ANKRD60: variants seen among roughly 807,000 people sequenced by gnomAD.
The protein encoded by ANKRD60 is ankyrin repeat domain 60.
ANKRD60 carries 24 observed loss-of-function variants against 21.3 expected under a neutral mutation model. The ratio of observed to expected loss-of-function variants is 1.13; its 90% CI spans 0.82 to 1.59. The LOEUF (loss-of-function observed/expected upper bound fraction) is 1.59. ANKRD60 is among the 40% of genes most tolerant of loss of function. The probability of loss-of-function intolerance (pLI) is 0.00; values close to 1 mark genes in which losing one functional copy is unlikely to be tolerated. For missense variants in ANKRD60, 490 were observed against 466.7 expected (o/e 1.05, Z -0.46); for synonymous variants, 182 against 199.4 (o/e 0.91, Z 0.74).
intron 2 of ANKRD60, among the ~76,000 whole-genome samples, chr20:58,222,666 A>G (rs1190730006): frequency 6.6e-6 from 1 of 152,136 alleles, no homozygotes; most frequent in Non-Finnish European, 1.5e-5. Context: ...ACCAGGCAGC[A>G]CCTGGCGGAG....
chr20:58,228,048 C>T lies in ANKRD60; in HGVS notation c.430+176G>A, dbSNP rs1984399650. Among the ~76,000 whole-genome samples the T allele has an allele frequency of 2.0e-5, 3 of 152,144 alleles. No individual in the cohort carries two copies. Among genetic ancestry groups the T allele is most frequent in the Admixed American group, 2.0e-4 (3 of 15,284 alleles). ...GTGTGTTTGAGATTGGGAAGTCCCT[C>T]TGTGGCCAGGACCCTAAGTGGCCCT... On this transcript the variant is annotated intron_variant, in intron 1 of 3. Transcript: ENST00000457363. The surrounding 1 kb of genome is among the most constrained non-coding windows in gnomAD (Gnocchi z 5.3).
chr20:58,219,171 A>G (rs761508669), intron 3 of ANKRD60, among the ~76,000 whole-genome samples: 42 of 151,050 alleles, frequency 2.8e-4, no homozygotes, highest in Non-Finnish European at 5.6e-4. Context: ...CCTAAAACAC[A>G]CCCTGCTCTG....
chr20:58,223,830 A>G (rs949150845), intron 1 of ANKRD60, among the ~76,000 whole-genome samples: 10 of 152,180 alleles, frequency 6.6e-5, no homozygotes, highest in African/African-American at 2.4e-4. Context: ...CAGGCCCAGC[A>G]CAGTGGCTCA....
intron 1 of ANKRD60, among the ~76,000 whole-genome samples, chr20:58,226,866 T>C (rs964917086): frequency 1.3e-5 from 2 of 152,158 alleles, no homozygotes; most frequent in African/African-American, 4.8e-5. Context: ...CTGTCATCCT[T>C]ATGTAGACAG....
Position 58,223,243 on chromosome 20 carries a change from G to C in ANKRD60, c.431-61C>G, listed in dbSNP as rs1984299773. 2.2e-6 allele frequency: 3 copies of C among 1,382,280 alleles called. No individual in the cohort carries two copies. In the East Asian group the frequency reaches 7.6e-5, roughly 35 times the overall value. The allele number at this position is 1,382,280 out of a possible 1,614,324, so 85.6% of individuals were successfully genotyped here. A position where few individuals can be genotyped will look rare whatever the true frequency, so the allele number is the denominator to read the frequency against. On this transcript the variant is annotated intron_variant, in intron 1 of 3. Transcript: ENST00000457363. Reference sequence around the variant, plus strand: ...GGTATTAAAGATAAACTACTACATTGGTTAAGTTAAGAGATTATCTGACCT... The same window carrying C: ...GGTATTAAAGATAAACTACTACATTCGTTAAGTTAAGAGATTATCTGACCT...
At position 58,228,097 on chromosome 20, in the gene ANKRD60, G is replaced by T; in HGVS notation, c.430+127C>A. ...CTTCCATCTGGGTTTCAGGGTGGTT[G>T]GGTTTCAGGGGTTTGCTTTGACATC... On this transcript the variant is annotated intron_variant, in intron 1 of 3. Coordinates refer to ENST00000457363, the Ensembl canonical transcript of ANKRD60. The surrounding 1 kb of genome is among the most constrained non-coding windows in gnomAD (Gnocchi z 5.3). 1 of 955,942 alleles carries T rather than the reference G, an allele frequency of 1.0e-6. No individual in the cohort carries two copies. The highest frequency in any genetic ancestry group is 1.5e-6 in the Non-Finnish European group (1 of 656,234). 59.2% of individuals were successfully genotyped at this position (955,942 alleles called of 1,614,324 possible).
chr20:58,228,609 C>T lies in ANKRD60; in HGVS notation c.45G>A (p.Gly15=). The T allele has an allele frequency of 9.5e-7, 1 of 1,052,454 alleles. No individual in the cohort carries two copies. The highest frequency in any genetic ancestry group is 1.1e-6 in the Non-Finnish European group (1 of 872,556). The allele number at this position is 1,052,454 out of a possible 1,614,324, so 65.2% of individuals were successfully genotyped here. The change falls in exon 1 of 4, where the codon GGG becomes GGA. Residue 15 remains glycine (G), a synonymous_variant. Transcript: ENST00000457363. This position sits in a 1 kb window ranked among gnomAD's most constrained non-coding sequence, Gnocchi z 5.3. ...GCCCCGCCGCCCGCGCTCCGCCCGC[C>T]CCCGCCGCCGCCCGCCGCATCCCCC...
At chr20:58,219,042 G>A (rs1984192231) in intron 3 of ANKRD60, among the ~76,000 whole-genome samples, 1 of 152,018 alleles carries the variant, frequency 6.6e-6, no homozygotes, top group Non-Finnish European at 1.5e-5. Flanking sequence ...GATGTTCTAG[G>A]TCTTTCCCGC....
Position 58,228,117 on chromosome 20 carries a change from G to T in ANKRD60, c.430+107C>A. The T allele has an allele frequency of 8.5e-7, 1 of 1,178,912 alleles. No individual in the cohort carries two copies. The highest frequency in any genetic ancestry group is 1.2e-6 in the Non-Finnish European group (1 of 853,326). 73.0% of individuals were successfully genotyped at this position (1,178,912 alleles called of 1,614,324 possible). On this transcript the variant is annotated intron_variant, in intron 1 of 3. Coordinates refer to ENST00000457363, the Ensembl canonical transcript of ANKRD60. This position sits in a 1 kb window ranked among gnomAD's most constrained non-coding sequence, Gnocchi z 5.3. ...TGGTTGGGTTTCAGGGGTTTGCTTT[G>T]ACATCTGGGGTTTCTCACGTAAGCA...
At chr20:58,222,338 C>T (rs373710890) in intron 2 of ANKRD60, among the ~76,000 whole-genome samples, 4 of 152,260 alleles carry the variant, frequency 2.6e-5, no homozygotes, top group African/African-American at 9.6e-5. Context: ...GCACCTGCCC[C>T]GAGCCCACGC....
intron 1 of ANKRD60, among the ~76,000 whole-genome samples, chr20:58,226,155 G>T (rs1367371954): frequency 1.3e-5 from 2 of 152,166 alleles, no homozygotes; most frequent in African/African-American, 4.8e-5. Flanking sequence ...CCACTATTTG[G>T]GGTTCAAACG....
intron 1 of ANKRD60, among the ~76,000 whole-genome samples, chr20:58,226,914 T>A (rs1489999916): frequency 6.6e-6 from 1 of 151,884 alleles, no homozygotes; most frequent in Admixed American, 6.6e-5. Flanking sequence ...GCACAAATGG[T>A]TAGTTGGAGG....
Position 58,223,320 on chromosome 20 carries a change from G to C in ANKRD60, c.431-138C>G, listed in dbSNP as rs192492332. On this transcript the variant is annotated intron_variant, in intron 1 of 3. Transcript: ENST00000457363. The stretch of plus-strand genomic sequence containing the variant: ...ATATCGAATACAAATCTCATTTGAT[G>C]GTGTCGCGTGGGTCTGTCTGTTGTT... The C allele has an allele frequency of 3.1e-4, 237 of 773,264 alleles. No individual in the cohort carries two copies. The African/African-American group carries it at 3.8e-3, about 12-fold the overall frequency. 47.9% of individuals were successfully genotyped at this position (773,264 alleles called of 1,614,324 possible). A position where few individuals can be genotyped will look rare whatever the true frequency, so the allele number is the denominator to read the frequency against.
At chr20:58,217,368 G>A (rs1336103353), downstream of ANKRD60, among the ~76,000 whole-genome samples, 1 of 152,006 alleles carries the variant, frequency 6.6e-6, no homozygotes. Context: ...GGCAGAGGTT[G>A]CAGTGAGCCG....
At chr20:58,226,498 G>A (rs954679605) in intron 1 of ANKRD60, among the ~76,000 whole-genome samples, 1 of 152,164 alleles carries the variant, frequency 6.6e-6, no homozygotes, top group Non-Finnish European at 1.5e-5. Flanking sequence ...AATAAGGTTG[G>A]CTGAAGGATT....
At chr20:58,218,789 G>A in exon 4 of ANKRD60, 1 of 1,537,576 alleles carries the variant, frequency 6.5e-7, no homozygotes, top group Non-Finnish European at 8.8e-7. Flanking sequence ...GGGGGGATCT[G>A]CTGAGGCAGC....
rs2122816568 is a variant in ANKRD60 at position 58,228,200 on chromosome 20, G to A, written c.430+24C>T. The A allele has an allele frequency of 1.3e-6, 2 of 1,531,168 alleles. No homozygotes were observed. Among genetic ancestry groups the A allele is most frequent in the Admixed American group, 2.0e-5 (1 of 49,888 alleles). 94.8% of individuals were successfully genotyped at this position (1,531,168 alleles called of 1,614,324 possible). On this transcript the variant is annotated intron_variant, in intron 1 of 3. Transcript: ENST00000457363. This position sits in a 1 kb window ranked among gnomAD's most constrained non-coding sequence, Gnocchi z 5.3. ...ACAGGGTGCCCTTGCATGTGGCCAG[G>A]GAAGGAGTCAGGGCAGGAGCCACCT...
chr20:58,226,649 G>A (rs1241547811), intron 1 of ANKRD60, among the ~76,000 whole-genome samples: 1 of 152,148 alleles, frequency 6.6e-6, no homozygotes, highest in Non-Finnish European at 1.5e-5. Context: ...TTCGTATCTG[G>A]GGGTTCAGAT....
downstream of ANKRD60, among the ~76,000 whole-genome samples, chr20:58,218,269 G>T (rs1368973911): frequency 6.6e-6 from 1 of 152,200 alleles, no homozygotes; most frequent in African/African-American, 2.4e-5. Flanking sequence ...TTAAAGGCTG[G>T]CATTAGAGCC....
Sources: gnomAD v4.1 joint callset for allele counts (sites outside exome capture counted in the v4.1 genomes callset) on GRCh38, gnomAD v4.1.1 for gene constraint, Gnocchi (gnomAD v3.1) non-coding constraint, MANE v1.5 for transcripts, NCBI Gene and HGNC (gene_info 2026-07-23, HGNC 2026-07-21) for gene names.